The following BMAL1 variants were observed in gnomAD, a reference collection of about 807,000 sequenced individuals.
BMAL1 encodes the protein basic helix-loop-helix ARNT-like protein 1.
the BMAL1 span, chr11:13,356,892 A>G: frequency 6.3e-7 from 1 of 1,593,878 alleles, no homozygotes; most frequent in South Asian, 1.1e-5. Context: ...ATGAGCAAGG[A>G]GGCCGTGAGC....
the BMAL1 span, among the ~76,000 whole-genome samples, chr11:13,377,906 C>T: frequency 5.3e-5 from 8 of 152,228 alleles, no homozygotes; most frequent in Non-Finnish European, 7.3e-5. Context: ...TAACTTGCTC[C>T]AGAAGCTGCA....
At chr11:13,293,642 C>T in the BMAL1 span, among the ~76,000 whole-genome samples, 10 of 152,266 alleles carry the variant, frequency 6.6e-5, no homozygotes, top group Non-Finnish European at 1.5e-4. Flanking sequence ...GTTCTGCTCT[C>T]CACTGGTCAA....
chr11:13,325,657 T>TTGTGTTTGTGTGTGTGTGTGTGTG, the BMAL1 span, among the ~76,000 whole-genome samples: 2 of 134,348 alleles, frequency 1.5e-5, no homozygotes, highest in African/African-American at 5.7e-5. Flanking sequence ...TTGAGACCTT[T>TTGTGTTTGTGTGTGTGTGTGTGTG]TGTGTGTGTG....
the BMAL1 span, among the ~76,000 whole-genome samples, chr11:13,316,534 C>G: frequency 6.6e-6 from 1 of 152,118 alleles, no homozygotes; most frequent in Non-Finnish European, 1.5e-5. Context: ...GGTGACTTCA[C>G]AGGGTTGTTA....
the BMAL1 span, among the ~76,000 whole-genome samples, chr11:13,331,751 T>C: frequency 6.6e-6 from 1 of 152,182 alleles, no homozygotes; most frequent in Non-Finnish European, 1.5e-5. Context: ...TGAACCTCTA[T>C]CTCTTTCTTG....
At chr11:13,356,201 AT>A in the BMAL1 span, 444 of 451,358 alleles carry the variant, frequency 9.8e-4, no homozygotes, top group African/African-American at 7.8e-3. Flanking sequence ...GAAGCAGAAT[AT>A]TTGGCAGTAG....
At chr11:13,294,574 G>A in the BMAL1 span, among the ~76,000 whole-genome samples, 2 of 152,174 alleles carry the variant, frequency 1.3e-5, no homozygotes, top group South Asian at 4.1e-4. Flanking sequence ...GAGGCATTGA[G>A]GAACTTGTTA....
At chr11:13,386,842 G>T in the BMAL1 span, 1 of 1,493,938 alleles carries the variant, frequency 6.7e-7, no homozygotes, top group South Asian at 1.3e-5. Context: ...ACTGGATAAG[G>T]AGAGAATAGC....
the BMAL1 span, among the ~76,000 whole-genome samples, chr11:13,299,789 C>T: frequency 2.0e-5 from 3 of 152,158 alleles, no homozygotes; most frequent in Non-Finnish European, 2.9e-5. Context: ...GGCTGAGGTG[C>T]CCAGTTTCTT....
chr11:13,332,078 G>A, the BMAL1 span, among the ~76,000 whole-genome samples: 2 of 152,186 alleles, frequency 1.3e-5, no homozygotes, highest in South Asian at 2.1e-4. Flanking sequence ...ACCAACCAGA[G>A]AGTAAAAGAC....
chr11:13,278,493 G>C, the BMAL1 span, among the ~76,000 whole-genome samples: 1 of 152,324 alleles, frequency 6.6e-6, no homozygotes, highest in South Asian at 2.1e-4. Flanking sequence ...CCGCGAGGCT[G>C]GGTGGGGGCG....
At chr11:13,333,995 A>G in the BMAL1 span, among the ~76,000 whole-genome samples, 5 of 152,194 alleles carry the variant, frequency 3.3e-5, no homozygotes, top group Non-Finnish European at 7.4e-5. Flanking sequence ...TAATCCCAGT[A>G]AAGGTAACAT....
the BMAL1 span, among the ~76,000 whole-genome samples, chr11:13,307,130 G>A: frequency 6.6e-6 from 1 of 152,200 alleles, no homozygotes; most frequent in African/African-American, 2.4e-5. Flanking sequence ...GTCTTTTAAA[G>A]GAGAAGGCAG....
At chr11:13,297,859 A>G in the BMAL1 span, among the ~76,000 whole-genome samples, 2 of 152,166 alleles carry the variant, frequency 1.3e-5, no homozygotes, top group Non-Finnish European at 2.9e-5. Flanking sequence ...GGATAAGACT[A>G]TAGTTGAGTG....
the BMAL1 span, among the ~76,000 whole-genome samples, chr11:13,362,324 G>GT: frequency 6.6e-6 from 1 of 152,132 alleles, no homozygotes; most frequent in Non-Finnish European, 1.5e-5. Context: ...GTTAGGTCAG[G>GT]TTTTTTACAT....
the BMAL1 span, among the ~76,000 whole-genome samples, chr11:13,325,876 T>C: frequency 6.6e-6 from 1 of 152,044 alleles, no homozygotes; most frequent in Non-Finnish European, 1.5e-5. Flanking sequence ...TATTTTTTCA[T>C]ACTAGTCAAG....
At chr11:13,283,749 G>C in the BMAL1 span, among the ~76,000 whole-genome samples, 2 of 152,084 alleles carry the variant, frequency 1.3e-5, no homozygotes, top group Non-Finnish European at 2.9e-5. Context: ...TAAGGGATGC[G>C]GACCTGGATG....
the BMAL1 span, among the ~76,000 whole-genome samples, chr11:13,284,126 G>GTATATATATATA: frequency 1.0e-5 from 1 of 98,604 alleles, no homozygotes; most frequent in Admixed American, 1.1e-4. Flanking sequence ...ATATGTGTGT[G>GTATATATATATA]TGTATATATA....
chr11:13,291,688 T>G, the BMAL1 span, among the ~76,000 whole-genome samples: 7 of 152,162 alleles, frequency 4.6e-5, no homozygotes, highest in Admixed American at 4.6e-4. Context: ...TCTGATTCAC[T>G]GTATTTAGAA....
Sources: allele counts gnomAD v4.1 joint callset (sites outside exome capture counted in the v4.1 genomes callset), GRCh38; gene constraint gnomAD v4.1.1; transcripts MANE v1.5; gene names NCBI Gene and HGNC (gene_info 2026-07-23, HGNC 2026-07-21).